The following MYO3B variants were observed in gnomAD, a reference collection of about 807,000 sequenced individuals.
The protein encoded by MYO3B is myosin IIIB, also known as myosin-IIIb.
In MYO3B, 156 loss-of-function variants were observed where a neutral mutation model predicts 174.6. That is an observed-to-expected ratio of 0.89 (90% CI 0.78 to 1.02). MYO3B has a LOEUF of 1.02. MYO3B is among the 50% of genes least tolerant of loss of function. The pLI, the probability that MYO3B is intolerant of heterozygous loss-of-function variation, is 0.00. For missense variants in MYO3B, 1,632 were observed against 1,639.4 expected, an observed-to-expected ratio of 1.00 and a Z score of 0.08; for synonymous variants, 563 against 569.1, an observed-to-expected ratio of 0.99 and a Z score of 0.15.
chr2:170,391,632 GGGTT>G lies in MYO3B; in HGVS notation c.1676+20_1676+23del. The G allele has an allele frequency of 6.9e-7, 1 of 1,456,750 alleles. No homozygotes were observed. The highest frequency in any genetic ancestry group is 9.4e-7 in the Non-Finnish European group (1 of 1,066,090). 90.2% of individuals were successfully genotyped at this position (1,456,750 alleles called of 1,614,324 possible). On this transcript the variant is annotated intron_variant, in intron 15 of 34. Coordinates refer to ENST00000408978, the MANE Select transcript of MYO3B (RefSeq NM_138995.5). ...AAAACCTCCTAGGTAAGTGTCAGGG[GGGTT>G]GGTTGTTAATTTTTGATGAATGTAC...
At chr2:170,584,874 G>C (rs1667745422) in intron 32 of MYO3B, among the ~76,000 whole-genome samples, 1 of 152,234 alleles carries the variant, frequency 6.6e-6, no homozygotes, top group African/African-American at 2.4e-5. Context: ...GTAGACAGTA[G>C]GTAGTTACTC....
chr2:170,600,529 A>G (rs1292212786), intron 32 of MYO3B, among the ~76,000 whole-genome samples: 1 of 152,020 alleles, frequency 6.6e-6, no homozygotes, highest in Non-Finnish European at 1.5e-5. Context: ...AATATGGGAA[A>G]ATATACCCTA....
chr2:170,460,117 G>A (rs13002706), intron 23 of MYO3B, among the ~76,000 whole-genome samples: 43,212 of 152,002 alleles, frequency 0.28, 6,671 homozygotes, highest in East Asian at 0.53. Context: ...TGGCCAGAGT[G>A]GATGCTGAGA....
chr2:170,430,374 CTT>C (rs11368801), intron 22 of MYO3B, among the ~76,000 whole-genome samples: 6 of 136,686 alleles, frequency 4.4e-5, no homozygotes, highest in African/African-American at 5.5e-5. Flanking sequence ...TTCTGGATAG[CTT>C]TTTTTTTTTT....
intron 23 of MYO3B, among the ~76,000 whole-genome samples, chr2:170,457,821 C>G (rs904505411): frequency 2.0e-5 from 3 of 152,174 alleles, no homozygotes; most frequent in Admixed American, 1.3e-4. Context: ...GTGCCATGAT[C>G]GTGGCTCACT....
intron 23 of MYO3B, among the ~76,000 whole-genome samples, chr2:170,458,312 C>A (rs1430187571): frequency 6.6e-6 from 1 of 152,156 alleles, no homozygotes; most frequent in East Asian, 1.9e-4. Context: ...ATACAGTTTA[C>A]CATTGACTGA....
At chr2:170,640,504 G>GT (rs1467128682) in intron 32 of MYO3B, 2 of 152,200 alleles carry the variant, frequency 1.3e-5, no homozygotes, top group Non-Finnish European at 2.9e-5. Flanking sequence ...TTCTCAAAGT[G>GT]TGGGACATGG....
rs1446970724 is a variant in MYO3B, at chr2:170,573,227, G to GTGTATATATATA, written c.3733+29240_3733+29241insGTATATATATAT. On this transcript the variant is annotated intron_variant, in intron 32 of 34. Transcript: ENST00000408978. ...TAATAAACATATATGTATACTGTGT[G>GTGTATATATATA]TATATATATATATATATATATATGT... 4.7e-3 allele frequency among the ~76,000 whole-genome samples: 217 copies of GTGTATATATATA among 46,436 alleles called. 2 individuals are homozygous for GTGTATATATATA. Among genetic ancestry groups the GTGTATATATATA allele is most frequent in the East Asian group, 0.028 (124 of 4,492 alleles). The allele number at this position is 46,436 out of a possible 152,430, so 30.5% of individuals were successfully genotyped here. A position where few individuals can be genotyped will look rare whatever the true frequency, so the allele number is the denominator to read the frequency against.
chr2:170,601,859 C>T (rs1357211505), intron 32 of MYO3B: 4 of 888,356 alleles, frequency 4.5e-6, no homozygotes, highest in Non-Finnish European at 7.3e-6. Flanking sequence ...TTTGCAACAT[C>T]GCTAATAGGC....
chr2:170,530,438 A>G (rs1010194493), intron 30 of MYO3B, among the ~76,000 whole-genome samples: 1 of 152,140 alleles, frequency 6.6e-6, no homozygotes, highest in African/African-American at 2.4e-5. Context: ...GAGTGGGGCT[A>G]TCATTTTTGT....
intron 19 of MYO3B, among the ~76,000 whole-genome samples, chr2:170,403,488 T>G (rs1020926849): frequency 1.3e-5 from 2 of 152,274 alleles, no homozygotes; most frequent in African/African-American, 4.8e-5. Flanking sequence ...ATGAGTTTAA[T>G]AATAAATAAG....
chr2:170,180,365 C>T (rs1230511937), intron 1 of MYO3B, among the ~76,000 whole-genome samples: 2 of 152,198 alleles, frequency 1.3e-5, no homozygotes, highest in African/African-American at 4.8e-5. Flanking sequence ...GACAGCAAAG[C>T]TTAGCAGGCC....
chr2:170,289,987 A>G (rs975405784), intron 7 of MYO3B, among the ~76,000 whole-genome samples: 2 of 152,010 alleles, frequency 1.3e-5, no homozygotes, highest in African/African-American at 2.4e-5. Context: ...TTTAATTTGT[A>G]TGTGTTTGTG....
chr2:170,522,200 C>G (rs1688709497), intron 30 of MYO3B, among the ~76,000 whole-genome samples: 1 of 152,190 alleles, frequency 6.6e-6, no homozygotes, highest in South Asian at 2.1e-4. Flanking sequence ...GCTAGGTGAG[C>G]ACGAGTCGCA....
intron 32 of MYO3B, among the ~76,000 whole-genome samples, chr2:170,616,386 C>T (rs982254268): frequency 5.3e-5 from 8 of 152,148 alleles, no homozygotes; most frequent in African/African-American, 9.7e-5. Context: ...CCTGACTGCA[C>T]GTCCATTCAT....
intron 14 of MYO3B, among the ~76,000 whole-genome samples, chr2:170,387,604 C>T (rs2094385700): frequency 6.6e-6 from 1 of 151,884 alleles, no homozygotes; most frequent in African/African-American, 2.4e-5. Flanking sequence ...CCCTGAGGCC[C>T]CTTAAAATTG....
At chr2:170,343,241 C>T (rs1439624510) in intron 8 of MYO3B, among the ~76,000 whole-genome samples, 1 of 151,898 alleles carries the variant, frequency 6.6e-6, no homozygotes, top group Admixed American at 6.6e-5. Flanking sequence ...GGAGTTTGAG[C>T]CTGGGCAACA....
intron 25 of MYO3B, among the ~76,000 whole-genome samples, chr2:170,494,737 AAAAAAAAAAAAGAAG>A (rs1208110381): frequency 2.6e-5 from 4 of 151,322 alleles, no homozygotes; most frequent in Non-Finnish European, 4.4e-5. Flanking sequence ...CAAAAAAAAA[AAAAAAAAAAAAGAAG>A]AAGAAAAAAA....
chr2:170,287,306 T>C (rs2093563477), intron 7 of MYO3B, among the ~76,000 whole-genome samples: 2 of 152,196 alleles, frequency 1.3e-5, no homozygotes, highest in Non-Finnish European at 1.5e-5. Context: ...ACCTCCATAC[T>C]GGTCTCCATA....
Sources: allele counts gnomAD v4.1 joint callset (sites outside exome capture counted in the v4.1 genomes callset), GRCh38; gene constraint gnomAD v4.1.1; transcripts MANE v1.5; gene names NCBI Gene and HGNC (gene_info 2026-07-23, HGNC 2026-07-21).